PCK1: variants seen among roughly 807,000 people sequenced by gnomAD.
PCK1 encodes phosphoenolpyruvate carboxykinase, cytosolic [GTP].
A neutral mutation model predicts 50.3 loss-of-function variants in PCK1; 44 were observed. That is an observed-to-expected ratio of 0.87 (90% CI 0.69 to 1.12). PCK1 has a LOEUF of 1.12. PCK1 is among the 50% of genes most tolerant of loss of function. PCK1 has a pLI of 0.00. For synonymous variants in PCK1, 332 were observed against 314.3 expected (o/e 1.06, Z -0.59); for missense variants, 790 against 815.0 (o/e 0.97, Z 0.37).
Position 57,565,566 on chromosome 20 carries a change from T to A in PCK1, c.1631T>A (p.Ile544Asn), listed in dbSNP as rs1385169175. Residue 544 changes from isoleucine (I) to asparagine (N), a missense_variant, in exon 10 of 10, where the codon ATC (isoleucine) becomes AAC (asparagine). Ile to Asn is a moderately radical substitution (Grantham distance 149). Transcript: ENST00000319441. ...GTGCTGGAGTGGATGTTCAACCGGA[T>A]CGATGGAAAAGCCAGCACCAAGCTC... ...SRVLEWMFNR[I>N]DGKASTKLTP... The A allele has an allele frequency of 3.1e-6, 5 of 1,614,064 alleles. No individual in the cohort carries two copies. In the East Asian group the frequency reaches 1.1e-4, roughly 36 times the overall value.
intron 3 of PCK1, 45 bp from the exon 4 acceptor site, chr20:57,562,651 G>A (rs2070157664): frequency 1.3e-6 from 2 of 1,542,204 alleles, no homozygotes; most frequent in Admixed American, 1.7e-5. Flanking sequence ...CGTGTTCGAA[G>A]TCCAAGGTCA....
At chr20:57,562,316 C>T in intron 3 of PCK1, 64 bp downstream of exon 3, 1 of 1,368,138 alleles carries the variant, frequency 7.3e-7, no homozygotes, top group Non-Finnish European at 1.0e-6. Context: ...TACATCTATC[C>T]TAATGGTAAT....
chr20:57,563,172 GCCGGCTGGCCA>G lies in PCK1; in HGVS notation c.756_766del (p.Ser252ArgfsTer19). 1 of 1,613,752 alleles carries G rather than the reference GCCGGCTGGCCA, an allele frequency of 6.2e-7. No individual in the cohort carries two copies. Among genetic ancestry groups the G allele is most frequent in the South Asian group, 1.1e-5 (1 of 91,090 alleles). ...AAGTGCTTTGCTCTCAGGATGGCCA[GCCGGCTGGCCA>G]AGGAGGAAGGGTGGCTGGCAGAGCA... On this transcript the variant is annotated frameshift_variant, in exon 5 of 10. Transcript: ENST00000319441. LOFTEE classifies it high-confidence loss of function.
intron 9 of PCK1, 95 bp downstream of exon 9, chr20:57,565,230 G>A: frequency 7.9e-7 from 1 of 1,266,958 alleles, no homozygotes; most frequent in Non-Finnish European, 1.2e-6. Context: ...TCTGTGTGTG[G>A]GGAGAGAGAG....
At position 57,565,816 on chromosome 20, in the gene PCK1, G is replaced by A. The variant is rs2070199644; in HGVS notation, c.*12G>A. ...TAAGCCAGATGTAATCAGGGCCTGA[G>A]TGCTTTACCTTTAAAATCATTCCCT... On this transcript the variant is annotated 3_prime_UTR_variant, in exon 10 of 10. Transcript: ENST00000319441. 1.3e-6 allele frequency: 2 copies of A among 1,570,590 alleles called. No individual in the cohort carries two copies. The highest frequency in any genetic ancestry group is 4.5e-5 in the East Asian group (2 of 44,522).
rs1236833914 is a variant in PCK1 at position 57,563,650 on chromosome 20, T to G, written c.884T>G (p.Met295Arg). ...GCCTGCGGGAAGACCAACCTGGCCA[T>G]GATGAACCCCAGCCTCCCCGGGTGG... The part of the protein sequence containing the change: ...PSACGKTNLA[M>R]MNPSLPGWKV... The change falls in exon 6 of 10, where the codon ATG (methionine) becomes AGG (arginine). Residue 295 changes from methionine to arginine, a missense_variant. By Grantham distance (91) the Met-to-Arg change is moderately conservative. Coordinates refer to ENST00000319441, the MANE Select transcript of PCK1 (RefSeq NM_002591.4). 6.2e-7 allele frequency: 1 copy of G among 1,613,362 alleles called. No homozygotes were observed. Among genetic ancestry groups the G allele is most frequent in the Non-Finnish European group, 8.5e-7 (1 of 1,179,530 alleles).
chr20:57,562,530 C>G (rs900857273), intron 3 of PCK1, 166 bp from the exon 4 acceptor site: 21 of 646,382 alleles, frequency 3.2e-5, no homozygotes, highest in African/African-American at 7.3e-5. Flanking sequence ...TTTCAGCAGG[C>G]TGTTCACTTT....
At chr20:57,564,434 G>T (rs376853374) in intron 7 of PCK1, 41 bp downstream of exon 7, 1 of 1,613,984 alleles carries the variant, frequency 6.2e-7, no homozygotes, top group East Asian at 2.2e-5. Flanking sequence ...GGGCTGCAGG[G>T]ACTGCCTGTT....
chr20:57,564,494 C>G lies in PCK1; in HGVS notation c.1199C>G (p.Ala400Gly). 6.2e-7 allele frequency: 1 copy of G among 1,614,176 alleles called. No individual in the cohort carries two copies. The highest frequency in any genetic ancestry group is 1.3e-5 in the African/African-American group (1 of 75,034). Reference protein sequence around the residue: ...EWSSEDGEPCAHPNSRFCTPA... With the variant: ...EWSSEDGEPCGHPNSRFCTPA... ...CTCTGTCTTATAGGGGAACCTTGTG[C>G]CCACCCCAACTCGAGGTTCTGCACC... is the stretch of plus-strand genomic sequence containing the variant. Residue 400 changes from alanine to glycine, a missense_variant, in exon 8 of 10, where the codon GCC becomes GGC. Transcript: ENST00000319441.
intron 6 of PCK1, 167 bp downstream of exon 6, chr20:57,563,894 A>C (rs772972715): frequency 9.3e-6 from 6 of 643,588 alleles, no homozygotes; most frequent in Non-Finnish European, 1.6e-5. Context: ...CTTCAACTTA[A>C]TATTCAATCT....
Position 57,562,710 on chromosome 20 carries a change from G to A in PCK1, c.421G>A (p.Val141Ile), listed in dbSNP as rs752677950. Residue 141 changes from valine (V) to isoleucine (I), a missense_variant, in exon 4 of 10, where the codon GTC becomes ATC. Coordinates refer to ENST00000319441, the MANE Select transcript of PCK1 (RefSeq NM_002591.4). ...GCACCCTGTAGGTCGCACCATGTAC[G>A]TCATCCCATTCAGCATGGGGCCGCT... ...PGCMKGRTMY[V>I]IPFSMGPLGS... 6.8e-6 allele frequency: 11 copies of A among 1,613,752 alleles called. No homozygotes were observed. Among genetic ancestry groups the A allele is most frequent in the African/African-American group, 1.3e-5 (1 of 74,930 alleles).
Position 57,564,389 on chromosome 20 carries a change from G to T in PCK1, c.1182G>T (p.Glu394Asp), listed in dbSNP as rs1433961209. ...GGAAGAATAAGGAGTGGAGCTCAGA[G>T]GATGGTGTGTCCCTGCCAGAGGCCT... is the stretch of plus-strand genomic sequence containing the variant. Reference protein sequence around the residue: ...TSWKNKEWSSEDGEPCAHPNS... With the variant: ...TSWKNKEWSSDDGEPCAHPNS... The change falls in exon 7 of 10, where the codon GAG (glutamate) becomes GAT (aspartate). Residue 394 changes from glutamate (E) to aspartate (D), a missense_variant. Transcript: ENST00000319441. 4.3e-6 allele frequency: 7 copies of T among 1,613,840 alleles called. No individual in the cohort carries two copies. Among genetic ancestry groups the T allele is most frequent in the Non-Finnish European group, 4.2e-6 (5 of 1,179,834 alleles).
chr20:57,565,861 G>A lies in PCK1; in HGVS notation c.*57G>A, dbSNP rs2146531667. Reference sequence around the variant, plus strand: ...TTCCCTTTCCCATCCATAAGGTGCAGTAGGAGCAAGAGAGGGCAAGTGTTC... The same window carrying A: ...TTCCCTTTCCCATCCATAAGGTGCAATAGGAGCAAGAGAGGGCAAGTGTTC... On this transcript the variant is annotated 3_prime_UTR_variant, in exon 10 of 10. Coordinates refer to ENST00000319441, the MANE Select transcript of PCK1 (RefSeq NM_002591.4). 2.2e-6 allele frequency: 3 copies of A among 1,341,742 alleles called. No homozygotes were observed. Among genetic ancestry groups the A allele is most frequent in the Non-Finnish European group, 3.1e-6 (3 of 978,998 alleles). The allele number at this position is 1,341,742 out of a possible 1,614,324, so 83.1% of individuals were successfully genotyped here. A position where few individuals can be genotyped will look rare whatever the true frequency, so the allele number is the denominator to read the frequency against.
intron 5 of PCK1, 119 bp from the exon 6 acceptor site, chr20:57,563,446 G>C (rs1568909084): frequency 4.0e-6 from 3 of 753,096 alleles, no homozygotes; most frequent in Non-Finnish European, 4.3e-6. Context: ...GGGAGTGTTT[G>C]TTTGCACTGA....
Position 57,566,901 on chromosome 20 carries a change from C to A in PCK1, c.*1097C>A, listed in dbSNP as rs1344953222. The stretch of plus-strand genomic sequence containing the variant: ...ATCCCCGCGGGGGAGCAGAGGAAGA[C>A]AAGTGAGAAGGAAAAGGGGACAGGA... On this transcript the variant is annotated 3_prime_UTR_variant, in exon 10 of 10. Coordinates refer to ENST00000319441, the MANE Select transcript of PCK1 (RefSeq NM_002591.4). 6.6e-6 allele frequency: 1 copy of A among 152,168 alleles called. No homozygotes were observed. The highest frequency in any genetic ancestry group is 2.4e-5 in the African/African-American group (1 of 41,422). The allele number at this position is 152,168 out of a possible 1,614,324, so 9.4% of individuals were successfully genotyped here.
Position 57,565,744 on chromosome 20 carries a change from C to T in PCK1, c.1809C>T (p.Asp603=). The change falls in exon 10 of 10, where the codon GAC becomes GAT. Residue 603 remains aspartate, a synonymous_variant. Transcript: ENST00000319441. ...ATCTGGAGGATCAAGTCAATGCCGA[C>T]CTCCCCTGTGAAATCGAGAGAGAGA... The part of the protein sequence containing the change: ...EKYLEDQVNA[D]LPCEIEREIL... The T allele has an allele frequency of 6.2e-7, 1 of 1,613,622 alleles. No homozygotes were observed. The highest frequency in any genetic ancestry group is 8.5e-7 in the Non-Finnish European group (1 of 1,179,962).
chr20:57,565,483 G>C lies in PCK1; in HGVS notation c.1548G>C (p.Trp516Cys). Residue 516 changes from tryptophan to cysteine, a missense_variant, in exon 10 of 10, where the codon TGG becomes TGC. Trp to Cys is a radical substitution (Grantham distance 215). Transcript: ENST00000319441. Reference protein sequence around the residue: ...AKLPKIFHVNWFRKDKEGKFL... With the variant: ...AKLPKIFHVNCFRKDKEGKFL... ...TGCCCAAGATCTTCCATGTCAACTG[G>C]TTCCGGAAGGACAAGGAAGGCAAAT... The C allele has an allele frequency of 6.2e-7, 1 of 1,614,218 alleles. No individual in the cohort carries two copies. Among genetic ancestry groups the C allele is most frequent in the African/African-American group, 1.3e-5 (1 of 75,054 alleles).
At position 57,565,087 on chromosome 20, in the gene PCK1, G is replaced by A. The variant is rs368610566; in HGVS notation, c.1366G>A (p.Val456Met). 1.6e-5 allele frequency: 26 copies of A among 1,613,960 alleles called. No homozygotes were observed. Among genetic ancestry groups the A allele is most frequent in the Middle Eastern group, 1.6e-4 (1 of 6,062 alleles). ...TCTCAGCTGGCAACATGGAGTCTTTGTGGGGGCGGCCATGAGATCAGAGGC... is the reference window on the plus strand; with the variant it reads ...TCTCAGCTGGCAACATGGAGTCTTTATGGGGGCGGCCATGAGATCAGAGGC... Reference protein sequence around the residue: ...EALSWQHGVFVGAAMRSEATA... With the variant: ...EALSWQHGVFMGAAMRSEATA... The change falls in exon 9 of 10, where the codon GTG becomes ATG. Residue 456 changes from valine (V) to methionine (M), a missense_variant. Coordinates refer to ENST00000319441, the MANE Select transcript of PCK1 (RefSeq NM_002591.4).
At chr20:57,563,335 C>T (rs1254829090) in intron 5 of PCK1, 120 bp downstream of exon 5, 21 of 907,414 alleles carry the variant, frequency 2.3e-5, no homozygotes, top group Admixed American at 9.8e-5. Context: ...CCGGACAGAT[C>T]GGGAAACCCC....
Sources: gnomAD v4.1 joint callset for allele counts on GRCh38, gnomAD v4.1.1 for gene constraint, MANE v1.5 for transcripts, NCBI Gene and HGNC (gene_info 2026-07-23, HGNC 2026-07-21) for gene names.